Variants in RBFOX1 observed in about 807,000 individuals in gnomAD.
RBFOX1 encodes RNA binding protein fox-1 homolog 1.
In RBFOX1, 8 loss-of-function variants were observed where a neutral mutation model predicts 57.7. The ratio of observed to expected loss-of-function variants is 0.14; its 90% confidence interval spans 0.08 to 0.25. The LOEUF (loss-of-function observed/expected upper bound fraction) is 0.25. RBFOX1 is among the 10% of genes least tolerant of loss of function. The pLI is 1.00. For synonymous variants in RBFOX1, 326 were observed against 222.4 expected (o/e 1.47, Z -4.15); for missense variants, 611 against 548.5 (o/e 1.11, Z -1.14).
intron 5 of RBFOX1, among the ~76,000 whole-genome samples, chr16:7,566,332 G>T (rs1025559518): frequency 1.3e-5 from 2 of 152,072 alleles, no homozygotes; most frequent in African/African-American, 4.8e-5. Flanking sequence ...TTCCAGCCCA[G>T]ACCTAGAACA....
chr16:7,699,844 A>AT (rs1489501715), intron 14 of RBFOX1, among the ~76,000 whole-genome samples: 1 of 151,780 alleles, frequency 6.6e-6, no homozygotes. Context: ...CACATTTTTC[A>AT]TTTGGCTCAA....
At chr16:6,670,091 G>A (rs537990573) in intron 3 of RBFOX1, among the ~76,000 whole-genome samples, 2 of 152,232 alleles carry the variant, frequency 1.3e-5, no homozygotes, top group South Asian at 4.2e-4. Context: ...GTATGATCAT[G>A]GCTCACTGCA....
chr16:6,143,336 G>T (rs1167018343), intron 1 of RBFOX1, among the ~76,000 whole-genome samples: 1 of 152,214 alleles, frequency 6.6e-6, no homozygotes, highest in African/African-American at 2.4e-5. Context: ...TTGTGTACCA[G>T]ATGAGAAGTG....
chr16:6,989,660 A>T (rs1452666527), intron 3 of RBFOX1, among the ~76,000 whole-genome samples: 1 of 152,178 alleles, frequency 6.6e-6, no homozygotes, highest in Non-Finnish European at 1.5e-5. Flanking sequence ...ACAAAGGAAC[A>T]GAAGCTACTT....
At chr16:6,813,127 G>T (rs1480564825) in intron 3 of RBFOX1, among the ~76,000 whole-genome samples, 1 of 150,540 alleles carries the variant, frequency 6.6e-6, no homozygotes, top group Non-Finnish European at 1.5e-5. Context: ...TGCAACCTAA[G>T]TTTTCAGGCC....
At chr16:5,820,406 AG>A (rs1193408180) in intron 3 of RBFOX1, among the ~76,000 whole-genome samples, 2 of 152,150 alleles carry the variant, frequency 1.3e-5, no homozygotes, top group African/African-American at 4.8e-5. Context: ...GGGGTGAGGA[AG>A]GACCATCCCG....
intron 1 of RBFOX1, among the ~76,000 whole-genome samples, chr16:6,144,804 A>C (rs530593981): frequency 3.9e-5 from 6 of 152,198 alleles, no homozygotes; most frequent in African/African-American, 2.4e-5. Context: ...GATGTTTTTG[A>C]TGCTTGACAT....
chr16:7,491,029 C>G (rs551632576), intron 4 of RBFOX1, among the ~76,000 whole-genome samples: 35 of 152,122 alleles, frequency 2.3e-4, no homozygotes, highest in Non-Finnish European at 8.8e-5. Flanking sequence ...GTCTAGAAAT[C>G]CATCAACTCC....
chr16:7,317,730 T>C (rs2096470282), intron 4 of RBFOX1, among the ~76,000 whole-genome samples: 1 of 152,328 alleles, frequency 6.6e-6, no homozygotes, highest in African/African-American at 2.4e-5. Flanking sequence ...AGAACTGACT[T>C]TGAGTCTGAA....
chr16:6,961,587 G>C (rs986139686), intron 3 of RBFOX1, among the ~76,000 whole-genome samples: 2 of 152,306 alleles, frequency 1.3e-5, no homozygotes, highest in African/African-American at 4.8e-5. Flanking sequence ...AGGCAGAGCA[G>C]CTCTGAGGGC....
intron 3 of RBFOX1, among the ~76,000 whole-genome samples, chr16:5,642,492 G>C (rs778114514): frequency 6.6e-6 from 1 of 152,178 alleles, no homozygotes; most frequent in Non-Finnish European, 1.5e-5. Flanking sequence ...GTTTGGGAAC[G>C]TCGCTCTTAA....
At chr16:5,828,079 A>G (rs2056137247) in intron 3 of RBFOX1, among the ~76,000 whole-genome samples, 1 of 151,798 alleles carries the variant, frequency 6.6e-6, no homozygotes, top group Non-Finnish European at 1.5e-5. Flanking sequence ...CCTTTCAGCC[A>G]GCCAGCCAGC....
chr16:6,376,501 C>T (rs1478479056), intron 2 of RBFOX1, among the ~76,000 whole-genome samples: 2 of 152,106 alleles, frequency 1.3e-5, no homozygotes, highest in Non-Finnish European at 2.9e-5. Context: ...GCTGGCATTC[C>T]CTGGCATTCT....
chr16:5,807,349 G>T (rs2055263842), intron 3 of RBFOX1, among the ~76,000 whole-genome samples: 1 of 152,040 alleles, frequency 6.6e-6, no homozygotes, highest in Non-Finnish European at 1.5e-5. Flanking sequence ...CAATCTTGTG[G>T]CATCTTCAGG....
chr16:6,535,272 A>T (rs886883494), intron 2 of RBFOX1, among the ~76,000 whole-genome samples: 1 of 152,184 alleles, frequency 6.6e-6, no homozygotes, highest in African/African-American at 2.4e-5. Context: ...GTCTAAAGTT[A>T]CATCTGATGG....
chr16:5,432,559 GTTTT>G (rs35344614), intron 1 of RBFOX1, among the ~76,000 whole-genome samples: 2,522 of 94,298 alleles, frequency 0.027, 101 homozygotes, highest in African/African-American at 0.096. Flanking sequence ...TTGTTTGTTT[GTTTT>G]TTTTTTTTTT....
At chr16:5,435,063 T>C (rs1473492673) in intron 1 of RBFOX1, among the ~76,000 whole-genome samples, 1 of 152,254 alleles carries the variant, frequency 6.6e-6, no homozygotes, top group Non-Finnish European at 1.5e-5. Flanking sequence ...GCAAAAGCAG[T>C]AAATGATATT....
chr16:7,227,154 A>G (rs551719533), intron 4 of RBFOX1, among the ~76,000 whole-genome samples: 42 of 152,222 alleles, frequency 2.8e-4, no homozygotes, highest in Non-Finnish European at 2.4e-4. Flanking sequence ...ATAGTACCCC[A>G]TTATGTCACT....
At chr16:7,352,915 C>T (rs2097153526) in intron 4 of RBFOX1, among the ~76,000 whole-genome samples, 1 of 151,994 alleles carries the variant, frequency 6.6e-6, no homozygotes, top group Non-Finnish European at 1.5e-5. Context: ...GAAATTTCAC[C>T]ATGTTGCCTA....
Sources: allele counts gnomAD v4.1 joint callset (sites outside exome capture counted in the v4.1 genomes callset), GRCh38; gene constraint gnomAD v4.1.1; transcripts MANE v1.5; gene names NCBI Gene and HGNC (gene_info 2026-07-23, HGNC 2026-07-21).